Variants in SUGCT observed in about 807,000 individuals in gnomAD.
SUGCT encodes succinyl-CoA:glutarate CoA-transferase.
SUGCT carries 41 observed loss-of-function variants against 55.0 expected under a neutral mutation model. The observed-to-expected ratio is 0.74, with a 90% confidence interval of 0.58 to 0.97. SUGCT has a LOEUF of 0.97. SUGCT is among the 50% of genes least tolerant of loss of function. The pLI is 0.00. For missense variants in SUGCT, 568 were observed against 547.8 expected, an observed-to-expected ratio of 1.04 and a Z score of -0.37; for synonymous variants, 187 against 200.4, an observed-to-expected ratio of 0.93 and a Z score of 0.56.
chr7:40,512,151 G>T (rs998069763), intron 12 of SUGCT, among the ~76,000 whole-genome samples: 1 of 152,140 alleles, frequency 6.6e-6, no homozygotes, highest in Non-Finnish European at 1.5e-5. Context: ...AAATAGACAT[G>T]TCTCATTTAA....
chr7:40,144,434 G>A (rs1361649893), intron 1 of SUGCT, among the ~76,000 whole-genome samples: 2 of 152,080 alleles, frequency 1.3e-5, no homozygotes, highest in South Asian at 2.1e-4. Flanking sequence ...TGGAGGGGGC[G>A]GCGCTTTCTT....
At chr7:41,027,590 A>G in the SUGCT span, among the ~76,000 whole-genome samples, 2 of 152,144 alleles carry the variant, frequency 1.3e-5, no homozygotes, top group Middle Eastern at 3.2e-3. Context: ...CATCCACTTT[A>G]TATGTACTAC....
intron 9 of SUGCT, among the ~76,000 whole-genome samples, chr7:40,321,377 ATTTT>A (rs765135872): frequency 9.2e-6 from 1 of 108,304 alleles, no homozygotes; most frequent in African/African-American, 3.6e-5. Flanking sequence ...GTGCCCAGCC[ATTTT>A]TGTTTTACTT....
chr7:40,248,000 T>G (rs1237468591), intron 7 of SUGCT, among the ~76,000 whole-genome samples: 1 of 46,886 alleles, frequency 2.1e-5, no homozygotes, highest in African/African-American at 6.4e-5. Flanking sequence ...GATTCTTGTG[T>G]TTTTGTTTTT....
chr7:40,194,589 T>TA (rs752599955), intron 5 of SUGCT, among the ~76,000 whole-genome samples: 70 of 152,358 alleles, frequency 4.6e-4, no homozygotes, highest in Admixed American at 1.5e-3. Flanking sequence ...TGTAAAGGTT[T>TA]AAAAAATGTT....
At chr7:40,583,225 A>T (rs1338975684) in intron 12 of SUGCT, among the ~76,000 whole-genome samples, 1 of 152,192 alleles carries the variant, frequency 6.6e-6, no homozygotes, top group East Asian at 1.9e-4. Context: ...GTGAGAAAAC[A>T]GCCTTTGAAA....
intron 12 of SUGCT, among the ~76,000 whole-genome samples, chr7:40,745,757 A>G (rs1347961669): frequency 6.6e-6 from 1 of 152,222 alleles, no homozygotes; most frequent in Non-Finnish European, 1.5e-5. Context: ...AATGGACAAA[A>G]TTCACTACAA....
intron 7 of SUGCT, among the ~76,000 whole-genome samples, chr7:40,271,300 T>C (rs920972682): frequency 7.2e-5 from 11 of 152,158 alleles, no homozygotes; most frequent in African/African-American, 2.4e-4. Flanking sequence ...ATTTTTTTTC[T>C]TTTGTAAAAT....
the SUGCT span, among the ~76,000 whole-genome samples, chr7:40,996,787 A>G: frequency 2.5e-4 from 38 of 152,198 alleles, no homozygotes; most frequent in African/African-American, 8.2e-4. Context: ...GGCAACCCCA[A>G]GATTTTCCAG....
At chr7:40,859,792 A>G (rs1794394452) in intron 13 of SUGCT, among the ~76,000 whole-genome samples, 1 of 152,228 alleles carries the variant, frequency 6.6e-6, no homozygotes, top group African/African-American at 2.4e-5. Context: ...GCCTGCACAC[A>G]TAACTTCTTC....
chr7:40,903,797 G>A, the SUGCT span, among the ~76,000 whole-genome samples: 1 of 152,208 alleles, frequency 6.6e-6, no homozygotes, highest in Non-Finnish European at 1.5e-5. Context: ...CTACCAAAAA[G>A]AAAGATTGCT....
At chr7:40,904,284 G>T in the SUGCT span, among the ~76,000 whole-genome samples, 1 of 152,168 alleles carries the variant, frequency 6.6e-6, no homozygotes. Context: ...TCTAAATAGG[G>T]CAAATAAAGG....
At chr7:41,007,953 C>G in the SUGCT span, among the ~76,000 whole-genome samples, 3 of 152,066 alleles carry the variant, frequency 2.0e-5, no homozygotes, top group East Asian at 5.8e-4. Context: ...TCCATAACTT[C>G]CTGGTCACAT....
At chr7:40,242,036 TA>T (rs1789434808) in intron 7 of SUGCT, among the ~76,000 whole-genome samples, 1 of 152,180 alleles carries the variant, frequency 6.6e-6, no homozygotes, top group Admixed American at 6.6e-5. Context: ...CAGATTAGAT[TA>T]TATTTGATTA....
At chr7:40,295,799 T>G (rs2151065228) in intron 8 of SUGCT, among the ~76,000 whole-genome samples, 1 of 152,284 alleles carries the variant, frequency 6.6e-6, no homozygotes, top group East Asian at 1.9e-4. Context: ...ATAGATAAAT[T>G]TTGCATTTTT....
chr7:41,025,632 G>A, the SUGCT span, among the ~76,000 whole-genome samples: 2 of 152,132 alleles, frequency 1.3e-5, no homozygotes, highest in Admixed American at 1.3e-4. Context: ...TGGGATTACA[G>A]ATGTGAGCCA....
At chr7:40,915,037 T>C in the SUGCT span, among the ~76,000 whole-genome samples, 1 of 152,128 alleles carries the variant, frequency 6.6e-6, no homozygotes, top group Non-Finnish European at 1.5e-5. Flanking sequence ...ATCAGGAAGA[T>C]AGGGATCGTA....
At chr7:40,797,929 T>C (rs915126299) in intron 13 of SUGCT, among the ~76,000 whole-genome samples, 4 of 152,236 alleles carry the variant, frequency 2.6e-5, no homozygotes, top group African/African-American at 9.6e-5. Flanking sequence ...GGCCAACTCA[T>C]GCTGTATTGA....
At chr7:40,803,092 C>A (rs1166016076) in intron 13 of SUGCT, among the ~76,000 whole-genome samples, 2 of 152,082 alleles carry the variant, frequency 1.3e-5, no homozygotes, top group African/African-American at 2.4e-5. Flanking sequence ...AATAATAACA[C>A]CAATTTTTAT....
Sources: allele counts gnomAD v4.1 joint callset (sites outside exome capture counted in the v4.1 genomes callset), GRCh38; gene constraint gnomAD v4.1.1; transcripts MANE v1.5; gene names NCBI Gene and HGNC (gene_info 2026-07-23, HGNC 2026-07-21).